GOLGA4: variants seen among roughly 807,000 people sequenced by gnomAD.
GOLGA4 encodes golgin subfamily A member 4.
In GOLGA4, 169 loss-of-function variants were observed where a neutral mutation model predicts 265.9. The observed-to-expected ratio is 0.64, with a 90% CI of 0.56 to 0.72. The LOEUF (loss-of-function observed/expected upper bound fraction) is 0.72. Among genes scored for constraint, GOLGA4 ranks in the 30% least tolerant of loss-of-function variants. The pLI is 0.00. For synonymous variants in GOLGA4, 923 were observed against 855.8 expected (o/e 1.08, Z -1.37); for missense variants, 2,482 against 2,483.4 (o/e 1.00, Z 0.01).
intron 21 of GOLGA4, among the ~76,000 whole-genome samples, chr3:37,349,932 G>C (rs1194803032): frequency 6.6e-6 from 1 of 152,156 alleles, no homozygotes; most frequent in Non-Finnish European, 1.5e-5. Context: ...CGTTCTTGTA[G>C]TATGGAGTTA....
At chr3:37,300,007 C>T (rs2096888685) in intron 9 of GOLGA4, among the ~76,000 whole-genome samples, 2 of 152,068 alleles carry the variant, frequency 1.3e-5, no homozygotes, top group South Asian at 4.1e-4. Flanking sequence ...GCTATGGTCA[C>T]ACTAGTGTAC....
chr3:37,302,087 T>A, intron 9 of GOLGA4, 98 bp from the exon 10 acceptor site: 2 of 1,012,464 alleles, frequency 2.0e-6, no homozygotes, highest in South Asian at 2.8e-5. Flanking sequence ...CCATGCACCA[T>A]GCCCGGCCTT....
intron 2 of GOLGA4, among the ~76,000 whole-genome samples, chr3:37,265,945 G>T (rs1391833900): frequency 6.7e-6 from 1 of 149,976 alleles, no homozygotes; most frequent in Non-Finnish European, 1.5e-5. Context: ...AAGATGGCTT[G>T]AGTCCAGGAG....
At chr3:37,341,819 A>G (rs978626046) in intron 20 of GOLGA4, 1 of 152,244 alleles carries the variant, frequency 6.6e-6, no homozygotes, top group Non-Finnish European at 1.5e-5. Context: ...AATTTCCTAC[A>G]TAATTAATTT....
At chr3:37,363,851 A>G (rs1413480793) in intron 23 of GOLGA4, among the ~76,000 whole-genome samples, 1 of 152,148 alleles carries the variant, frequency 6.6e-6, no homozygotes, top group Non-Finnish European at 1.5e-5. Flanking sequence ...AGTCTTTTTT[A>G]AACTAGAAAA....
intron 1 of GOLGA4, among the ~76,000 whole-genome samples, chr3:37,249,272 A>G (rs967880360): frequency 6.6e-6 from 1 of 152,190 alleles, no homozygotes; most frequent in Non-Finnish European, 1.5e-5. Context: ...AACTTATTCC[A>G]AGACTGAGAC....
intron 23 of GOLGA4, among the ~76,000 whole-genome samples, chr3:37,362,233 A>ATTTTTT (rs1418209922): frequency 2.1e-5 from 1 of 46,738 alleles, no homozygotes; most frequent in African/African-American, 4.2e-5. Context: ...TTATTTATTT[A>ATTTTTT]TTTATTATTT....
At chr3:37,275,223 AAAAAAAAAAAAAAAAAAAG>A (rs1428430002) in intron 2 of GOLGA4, among the ~76,000 whole-genome samples, 1 of 148,218 alleles carries the variant, frequency 6.7e-6, no homozygotes, top group Non-Finnish European at 1.5e-5. Context: ...CTCAAAAAAA[AAAAAAAAAAAAAAAAAAAG>A]AAAAAAAAAA....
At chr3:37,265,463 T>A (rs2096781193) in intron 2 of GOLGA4, among the ~76,000 whole-genome samples, 1 of 152,254 alleles carries the variant, frequency 6.6e-6, no homozygotes, top group Non-Finnish European at 1.5e-5. Flanking sequence ...GTTCTCATGC[T>A]ATTTTTTGAA....
chr3:37,293,361 G>T (rs771870964), intron 5 of GOLGA4, among the ~76,000 whole-genome samples: 27 of 151,982 alleles, frequency 1.8e-4, no homozygotes, highest in Non-Finnish European at 3.4e-4. Context: ...TGTGGCCCAA[G>T]ACAATTCTTT....
chr3:37,310,371 C>T (rs1049606948), intron 10 of GOLGA4, among the ~76,000 whole-genome samples: 3 of 152,148 alleles, frequency 2.0e-5, no homozygotes, highest in African/African-American at 7.2e-5. Context: ...CTAGCTGTAT[C>T]TAAGGATTAG....
chr3:37,271,466 G>A (rs746402061), intron 2 of GOLGA4, among the ~76,000 whole-genome samples: 81 of 152,036 alleles, frequency 5.3e-4, no homozygotes, highest in Admixed American at 1.2e-3. Flanking sequence ...TCTTTATTAG[G>A]GAAAAGTTGA....
rs751276021 is a variant in GOLGA4, at chr3:37,325,014, T to C, written c.3128T>C (p.Val1043Ala). Residue 1043 changes from valine to alanine, a missense_variant, in exon 14 of 24, where the codon GTC becomes GCC. Physicochemically the swap from Val to Ala is moderately conservative, Grantham distance 64. This residue lies in a region of GOLGA4 where 1,536 missense variants were observed against 1,483.7 expected (regional missense o/e 1.04). Coordinates refer to ENST00000361924, the MANE Select transcript of GOLGA4 (RefSeq NM_002078.5). ...TEVHRRELND[V>A]ISIWEKKLNQ... is the part of the protein sequence containing the mutation. ...GTTCATCGACGAGAACTCAATGATGTCATATCAATCTGGGAAAAGAAACTT... is the reference window on the plus strand; with the variant it reads ...GTTCATCGACGAGAACTCAATGATGCCATATCAATCTGGGAAAAGAAACTT... 7 of 1,612,852 alleles carry C rather than the reference T, an allele frequency of 4.3e-6. No individual in the cohort carries two copies. Among genetic ancestry groups the C allele is most frequent in the Non-Finnish European group, 2.5e-6 (3 of 1,179,540 alleles).
At chr3:37,354,823 TA>T (rs2097085951) in intron 21 of GOLGA4, among the ~76,000 whole-genome samples, 2 of 152,164 alleles carry the variant, frequency 1.3e-5, no homozygotes, top group Non-Finnish European at 2.9e-5. Context: ...AATAAAGTTT[TA>T]TTTAAATAAA....
chr3:37,282,295 T>C (rs887292586), intron 3 of GOLGA4, 23 bp downstream of exon 3: 4 of 1,581,208 alleles, frequency 2.5e-6, no homozygotes, highest in Admixed American at 1.7e-5. Flanking sequence ...CCTTTTTGCC[T>C]GTACAAAAAT....
At chr3:37,255,222 G>A (rs1578355372) in intron 2 of GOLGA4, among the ~76,000 whole-genome samples, 1 of 152,012 alleles carries the variant, frequency 6.6e-6, no homozygotes, top group East Asian at 1.9e-4. Flanking sequence ...GTGCAGTGGT[G>A]CGATCTCAGC....
Position 37,326,056 on chromosome 3 carries a change from C to G in GOLGA4, c.4170C>G (p.Ser1390=), listed in dbSNP as rs142148069. 9 of 1,613,024 alleles carry G rather than the reference C, an allele frequency of 5.6e-6. No homozygotes were observed. The South Asian group carries it at 8.8e-5, about 16-fold the overall frequency. The part of the protein sequence containing the change: ...NVQLQNSISL[S]EKEAAISSLR... ...AGCTTCAAAATAGCATCAGCCTATC[C>G]GAAAAAGAAGCAGCCATTTCATCAC... The change falls in exon 14 of 24, where the codon TCC becomes TCG. Residue 1390 remains serine, a synonymous_variant. Coordinates refer to ENST00000361924, the MANE Select transcript of GOLGA4 (RefSeq NM_002078.5).
At position 37,275,252 on chromosome 3, in the gene GOLGA4, A is replaced by C. The variant is rs368896312; in HGVS notation, c.163-6706A>C. 7.3e-3 allele frequency among the ~76,000 whole-genome samples: 1,099 copies of C among 149,574 alleles called. 12 individuals are homozygous for C. The highest frequency in any genetic ancestry group is 0.014 in the Middle Eastern group (4 of 288). On this transcript the variant is annotated intron_variant, in intron 2 of 23. Transcript: ENST00000361924. ...AAAAAAAAAAAAAAAGAAAAAAAAA[A>C]CCCCAAAAAAACAAATGTTTAAATG...
At chr3:37,283,522 TTTG>T (rs2096840244) in intron 3 of GOLGA4, among the ~76,000 whole-genome samples, 1 of 152,226 alleles carries the variant, frequency 6.6e-6, no homozygotes, top group South Asian at 2.1e-4. Context: ...ATATTTAATT[TTTG>T]TTGTTGTTTT....
Sources: allele counts gnomAD v4.1 joint callset (sites outside exome capture counted in the v4.1 genomes callset), GRCh38; gene constraint gnomAD v4.1.1; regional missense constraint gnomAD v4.1.1; transcripts MANE v1.5; gene names NCBI Gene and HGNC (gene_info 2026-07-23, HGNC 2026-07-21).